Variants in ARSB observed in about 807,000 individuals in gnomAD.
The protein encoded by ARSB is N-acetylgalactosamine-4-sulfatase.
ARSB carries 41 observed loss-of-function variants against 50.9 expected under a neutral mutation model. The observed-to-expected ratio is 0.81, with a 90% confidence interval of 0.63 to 1.04. The LOEUF (loss-of-function observed/expected upper bound fraction) is 1.04, where lower values mean the gene tolerates loss of function less well. Ranked by LOEUF, ARSB falls within the 50% of genes least tolerant of loss-of-function variation. ARSB has a pLI of 0.00. For missense variants in ARSB, 672 were observed against 693.3 expected, an observed-to-expected ratio of 0.97 and a Z score of 0.35; for synonymous variants, 269 against 284.8, an observed-to-expected ratio of 0.94 and a Z score of 0.56.
intron 6 of ARSB, among the ~76,000 whole-genome samples, chr5:78,796,958 A>G: frequency 6.7e-6 from 1 of 148,618 alleles, no homozygotes; most frequent in Non-Finnish European, 1.5e-5. Context: ...GCTCACTGCA[A>G]GCTCCGCCTC....
Position 78,814,997 on chromosome 5 carries a change from C to T in ARSB, c.1213+24359G>A, listed in dbSNP as rs1400244695. Among the ~76,000 whole-genome samples the T allele has an allele frequency of 1.4e-5, 2 of 145,088 alleles. 1 individual carries two copies. The highest frequency in any genetic ancestry group is 5.2e-5 in the African/African-American group (2 of 38,618). On this transcript the variant is annotated intron_variant, in intron 6 of 7. Transcript: ENST00000264914. Reference sequence around the variant, plus strand: ...TATTTGTTGAATATATAAGGGCACACAAAGTAAAAAAAACCCCAAACTAAA... The same window carrying T: ...TATTTGTTGAATATATAAGGGCACATAAAGTAAAAAAAACCCCAAACTAAA...
chr5:78,936,298 A>G (rs1750597746), intron 4 of ARSB, among the ~76,000 whole-genome samples: 1 of 150,554 alleles, frequency 6.6e-6, no homozygotes, highest in South Asian at 2.1e-4. Flanking sequence ...TTATTTTTGT[A>G]TTTTTAGTAG....
intron 4 of ARSB, among the ~76,000 whole-genome samples, chr5:78,934,520 T>G (rs1750495594): frequency 6.6e-6 from 1 of 152,110 alleles, no homozygotes; most frequent in African/African-American, 2.4e-5. Context: ...AATGAATGAA[T>G]AGTTAATGAA....
intron 6 of ARSB, among the ~76,000 whole-genome samples, chr5:78,822,439 T>G (rs777334929): frequency 2.3e-4 from 35 of 152,326 alleles, no homozygotes; most frequent in Middle Eastern, 6.8e-3. Flanking sequence ...TTGGGAGGTT[T>G]AGGCCCAGGA....
At chr5:78,780,708 C>T in intron 7 of ARSB, 46 bp from the exon 8 acceptor site, 1 of 1,609,804 alleles carries the variant, frequency 6.2e-7, no homozygotes, top group African/African-American at 1.3e-5. Context: ...AGCACAGAGG[C>T]AGGTTCTAAT....
chr5:78,849,466 T>A (rs984938805), intron 5 of ARSB, among the ~76,000 whole-genome samples: 23 of 151,416 alleles, frequency 1.5e-4, no homozygotes, highest in South Asian at 4.1e-4. Flanking sequence ...TTGGTTACTG[T>A]AGCCTTGTAG....
rs573179858 is a variant in ARSB, at chr5:78,782,170, C to T, written c.1214-196G>A. ...ACATGAAATGTCAGTCATAAACCAC[C>T]GCAAATATAAAGGAAATCCCAAAGA... On this transcript the variant is annotated intron_variant, in intron 6 of 7. Coordinates refer to ENST00000264914, the MANE Select transcript of ARSB (RefSeq NM_000046.5). Among the ~76,000 whole-genome samples, 13 of 152,238 alleles carry T rather than the reference C, an allele frequency of 8.5e-5. 1 individual carries two copies. The South Asian group carries it at 1.0e-3, about 12-fold the overall frequency.
chr5:78,865,415 A>G (rs185487381), intron 5 of ARSB, among the ~76,000 whole-genome samples: 172 of 152,244 alleles, frequency 1.1e-3, no homozygotes, highest in African/African-American at 4.0e-3. Context: ...CCAAATCCCT[A>G]GGCTGTACAC....
At chr5:78,822,564 T>C (rs1417952323) in intron 6 of ARSB, among the ~76,000 whole-genome samples, 2 of 152,212 alleles carry the variant, frequency 1.3e-5, no homozygotes, top group Non-Finnish European at 2.9e-5. Flanking sequence ...CTAAAAATTA[T>C]ACATAATCTC....
At chr5:78,959,561 G>C (rs976067469) in intron 3 of ARSB, among the ~76,000 whole-genome samples, 1 of 152,050 alleles carries the variant, frequency 6.6e-6, no homozygotes, top group Non-Finnish European at 1.5e-5. Context: ...TGATCCTTTT[G>C]ATTATTTTAA....
At chr5:78,815,320 GTC>G (rs569217293) in intron 6 of ARSB, among the ~76,000 whole-genome samples, 2 of 150,610 alleles carry the variant, frequency 1.3e-5, no homozygotes, top group African/African-American at 4.9e-5. Context: ...TTTCCTTCTT[GTC>G]TCTATTGCTT....
chr5:78,783,951 G>A (rs753451513), intron 6 of ARSB, among the ~76,000 whole-genome samples: 2 of 151,998 alleles, frequency 1.3e-5, no homozygotes, highest in African/African-American at 2.4e-5. Flanking sequence ...AACACCCTAT[G>A]AGCCATCACC....
intron 4 of ARSB, among the ~76,000 whole-genome samples, chr5:78,918,660 T>C (rs966077112): frequency 5.3e-5 from 8 of 152,212 alleles, no homozygotes; most frequent in Admixed American, 2.0e-4. Context: ...TAATGCCTGA[T>C]TTTCTAAAAT....
At chr5:78,867,252 C>T (rs1412864845) in intron 5 of ARSB, among the ~76,000 whole-genome samples, 3 of 152,210 alleles carry the variant, frequency 2.0e-5, no homozygotes, top group South Asian at 2.1e-4. Flanking sequence ...GAGGCGCCCG[C>T]CATTGCCCAG....
At chr5:78,968,858 T>A in intron 2 of ARSB, 148 bp downstream of exon 2, 1 of 906,056 alleles carries the variant, frequency 1.1e-6, no homozygotes, top group Non-Finnish European at 1.7e-6. Context: ...TTTACAGAGG[T>A]AACATTAGAA....
intron 4 of ARSB, among the ~76,000 whole-genome samples, chr5:78,947,107 TCAC>T (rs1400085669): frequency 1.3e-5 from 2 of 152,106 alleles, no homozygotes; most frequent in Non-Finnish European, 2.9e-5. Context: ...CCCCTATCTC[TCAC>T]CATATAGAAA....
At chr5:78,984,813 A>G (rs1011129950) in intron 1 of ARSB, 124 bp downstream of exon 1, 4 of 764,896 alleles carry the variant, frequency 5.2e-6, no homozygotes, top group African/African-American at 1.8e-5. Flanking sequence ...GCCGGGACCC[A>G]TAACTGGGTC....
At chr5:78,863,313 T>C (rs1205511216) in intron 5 of ARSB, among the ~76,000 whole-genome samples, 1 of 152,140 alleles carries the variant, frequency 6.6e-6, no homozygotes, top group Non-Finnish European at 1.5e-5. Context: ...CACACGTATG[T>C]TTATTGCAGC....
chr5:78,838,890 C>G (rs1351470671), intron 6 of ARSB, among the ~76,000 whole-genome samples: 1 of 152,204 alleles, frequency 6.6e-6, no homozygotes, highest in South Asian at 2.1e-4. Context: ...TTGTGACACC[C>G]AGCAGGTGTT....
Sources: allele counts gnomAD v4.1 joint callset (sites outside exome capture counted in the v4.1 genomes callset), GRCh38; gene constraint gnomAD v4.1.1; transcripts MANE v1.5; gene names NCBI Gene and HGNC (gene_info 2026-07-23, HGNC 2026-07-21).